The following WLS variants were observed in gnomAD, a reference collection of about 807,000 sequenced individuals.
The protein encoded by WLS is protein wntless homolog.
Under a neutral mutation model 62.8 loss-of-function variants are expected in WLS, and 23 were observed. The observed-to-expected ratio is 0.37, with a 90% CI of 0.26 to 0.52. WLS has a LOEUF of 0.52. Among genes scored for constraint, WLS ranks in the 20% least tolerant of loss-of-function variants. The pLI, the probability that WLS is intolerant of heterozygous loss-of-function variation, is 0.92. For synonymous variants in WLS, 246 were observed against 244.1 expected (o/e 1.01, Z -0.07); for missense variants, 615 against 697.3 (o/e 0.88, Z 1.33).
intron 2 of WLS, among the ~76,000 whole-genome samples, chr1:68,185,491 G>A (rs968203631): frequency 2.0e-5 from 3 of 152,186 alleles, no homozygotes; most frequent in Non-Finnish European, 4.4e-5. Flanking sequence ...AGGTGGGTGA[G>A]CAAGTATTAT....
At chr1:68,123,274 T>G (rs552405232), downstream of WLS, among the ~76,000 whole-genome samples, 17 of 152,346 alleles carry the variant, frequency 1.1e-4, no homozygotes, top group African/African-American at 4.1e-4. Flanking sequence ...CTTGGATCCT[T>G]AAATGCTGCT....
At chr1:68,126,525 T>A (rs1292168461) in intron 11 of WLS, among the ~76,000 whole-genome samples, 190 bp from the exon 12 acceptor site, 1 of 152,194 alleles carries the variant, frequency 6.6e-6, no homozygotes. Flanking sequence ...CAGAACTTTT[T>A]AAAATACCAT....
chr1:68,128,845 A>G (rs1553125492), intron 11 of WLS, among the ~76,000 whole-genome samples: 1 of 152,220 alleles, frequency 6.6e-6, no homozygotes, highest in Non-Finnish European at 1.5e-5. Context: ...TGAGGCACAG[A>G]GAGGCTAAGT....
chr1:68,135,146 CTTTT>C (rs1342995238), intron 11 of WLS, among the ~76,000 whole-genome samples: 1 of 151,800 alleles, frequency 6.6e-6, no homozygotes, highest in African/African-American at 2.4e-5. Context: ...CTTTTCTTTT[CTTTT>C]CTTTTGAGAC....
intron 11 of WLS, chr1:68,100,916 A>T (rs140442488): frequency 6.6e-6 from 1 of 152,226 alleles, no homozygotes; most frequent in Non-Finnish European, 1.5e-5. Flanking sequence ...TGCAACATGC[A>T]TGTTTGCTTT....
chr1:68,143,085 G>T (rs1166229620), intron 10 of WLS, among the ~76,000 whole-genome samples: 1 of 152,064 alleles, frequency 6.6e-6, no homozygotes, highest in Admixed American at 6.6e-5. Flanking sequence ...ATATAGAGAT[G>T]ATTCCCCTTG....
At chr1:68,101,791 C>T (rs943859507) in intron 11 of WLS, among the ~76,000 whole-genome samples, 31 of 152,156 alleles carry the variant, frequency 2.0e-4, no homozygotes, top group African/African-American at 7.0e-4. Flanking sequence ...GCAAAATACA[C>T]GCTTATAAAC....
intron 1 of WLS, among the ~76,000 whole-genome samples, chr1:68,226,125 T>G (rs1365318786): frequency 6.6e-6 from 1 of 152,208 alleles, no homozygotes; most frequent in African/African-American, 2.4e-5. Flanking sequence ...TTTTCTTCCT[T>G]TTGATGTTAC....
At chr1:68,140,740 G>A (rs1646673645) in intron 10 of WLS, among the ~76,000 whole-genome samples, 1 of 152,132 alleles carries the variant, frequency 6.6e-6, no homozygotes, top group Admixed American at 6.5e-5. Flanking sequence ...GAAATAAACG[G>A]TATAGATAGT....
In WLS at chr1:68,108,868, AATAT is replaced by A. The variant is rs562515437; in HGVS notation, c.1511-10119_1511-10116del. Among the ~76,000 whole-genome samples the A allele has an allele frequency of 2.8e-3, 419 of 152,256 alleles. 2 individuals carry two copies. Among genetic ancestry groups the A allele is most frequent in the Non-Finnish European group, 5.1e-3 (344 of 68,020 alleles). ...CCACGGACCCAGAGAAAGGCCAAAA[AATAT>A]ATATATGAGGGAAAGAAATGGTAAT... On this transcript the variant is annotated intron_variant, in intron 11 of 11. Coordinates refer to the WLS transcript ENST00000354777.
chr1:68,115,709 C>CT (rs2100341744), intron 11 of WLS, among the ~76,000 whole-genome samples: 1 of 141,418 alleles, frequency 7.1e-6, no homozygotes, highest in East Asian at 2.2e-4. Context: ...TTAAAATTTG[C>CT]TTTTTAAAAA....
At chr1:68,159,393 T>A in intron 2 of WLS, 146 bp from the exon 3 acceptor site, 1 of 1,110,372 alleles carries the variant, frequency 9.0e-7, no homozygotes, top group South Asian at 1.7e-5. Context: ...ACCTGAAGAC[T>A]TAGAAGTCAT....
At chr1:68,198,845 T>C (rs1570999615) in intron 1 of WLS, among the ~76,000 whole-genome samples, 2 of 152,334 alleles carry the variant, frequency 1.3e-5, no homozygotes, top group Admixed American at 1.3e-4. Context: ...CGTTACAACA[T>C]AACCTTGAAT....
intron 2 of WLS, among the ~76,000 whole-genome samples, chr1:68,186,190 C>A (rs1030079611): frequency 6.6e-6 from 1 of 152,094 alleles, no homozygotes; most frequent in Non-Finnish European, 1.5e-5. Flanking sequence ...AAACAATGGC[C>A]AGCTTCTATA....
intron 2 of WLS, among the ~76,000 whole-genome samples, chr1:68,187,211 A>AAAAAAAAAAAAAC (rs1648014529): frequency 6.7e-6 from 1 of 148,988 alleles, no homozygotes; most frequent in East Asian, 2.0e-4. Context: ...AAAAAAAAAA[A>AAAAAAAAAAAAAC]TTAGCAGCCA....
chr1:68,230,998 A>T (rs1477706718), intron 1 of WLS, among the ~76,000 whole-genome samples: 2 of 152,130 alleles, frequency 1.3e-5, no homozygotes, highest in East Asian at 3.9e-4. Context: ...GCACGCGCGG[A>T]GAAAGCCCCT....
At chr1:68,198,809 C>A (rs1023442892) in intron 1 of WLS, among the ~76,000 whole-genome samples, 1 of 152,152 alleles carries the variant, frequency 6.6e-6, no homozygotes, top group Non-Finnish European at 1.5e-5. Context: ...AATGAATACA[C>A]CAGAATGACA....
intron 1 of WLS, among the ~76,000 whole-genome samples, chr1:68,225,010 A>T (rs1383178930): frequency 6.6e-6 from 1 of 152,198 alleles, no homozygotes; most frequent in African/African-American, 2.4e-5. Flanking sequence ...TTCTTAAATG[A>T]GCCTCAGATT....
intron 10 of WLS, among the ~76,000 whole-genome samples, chr1:68,141,211 C>T (rs937788303): frequency 6.6e-5 from 10 of 152,122 alleles, no homozygotes; most frequent in Admixed American, 2.0e-4. Flanking sequence ...GCTCTCTTAC[C>T]GGAAACATTT....
Sources: allele counts gnomAD v4.1 joint callset (sites outside exome capture counted in the v4.1 genomes callset), GRCh38; gene constraint gnomAD v4.1.1; transcripts MANE v1.5; gene names NCBI Gene and HGNC (gene_info 2026-07-23, HGNC 2026-07-21).